The following ARHGEF28 variants were observed in gnomAD, a reference collection of about 807,000 sequenced individuals.
ARHGEF28 encodes Rho guanine nucleotide exchange factor 28.
Under a neutral mutation model 206.6 loss-of-function variants are expected in ARHGEF28, and 152 were observed. That is an observed-to-expected ratio of 0.74 (90% CI 0.64 to 0.84). The LOEUF is 0.84. Ranked by LOEUF, ARHGEF28 falls within the 40% of genes least tolerant of loss-of-function variation. The pLI is 0.00. For synonymous variants in ARHGEF28, 763 were observed against 776.4 expected, an observed-to-expected ratio of 0.98 and a Z score of 0.29; for missense variants, 2,028 against 2,073.2, an observed-to-expected ratio of 0.98 and a Z score of 0.42.
intron 1 of ARHGEF28, among the ~76,000 whole-genome samples, chr5:73,655,273 G>A (rs989842311): frequency 1.3e-5 from 2 of 152,176 alleles, no homozygotes; most frequent in African/African-American, 4.8e-5. Flanking sequence ...ATGGTTCACA[G>A]GTCAACATGT....
At position 73,897,966 on chromosome 5, in the gene ARHGEF28, G is replaced by A; in HGVS notation, c.3846G>A (p.Glu1282=). 6.3e-7 allele frequency: 1 copy of A among 1,575,112 alleles called. No homozygotes were observed. Among genetic ancestry groups the A allele is most frequent in the Non-Finnish European group, 8.6e-7 (1 of 1,159,278 alleles). The change falls in exon 30 of 36, where the codon GAG becomes GAA. Residue 1282 remains glutamate (E), a synonymous_variant. Transcript: ENST00000513042. ...TTTTGTTTTTCTCCATCTTAGCTGAGAGCCTACAAGTTGCAGTGAAGGCCT... is the reference window on the plus strand; with the variant it reads ...TTTTGTTTTTCTCCATCTTAGCTGAAAGCCTACAAGTTGCAGTGAAGGCCT... ...SLLAAALKEA[E]SLQVAVKASQ...
intron 12 of ARHGEF28, among the ~76,000 whole-genome samples, chr5:73,848,400 C>G (rs986948444): frequency 2.6e-5 from 4 of 152,086 alleles, no homozygotes; most frequent in Non-Finnish European, 5.9e-5. Flanking sequence ...CCAGAAAGTG[C>G]TAGATGGAAG....
rs540403549 is a variant in ARHGEF28 at position 73,880,680 on chromosome 5, C to T, written c.2815-1792C>T. Among the ~76,000 whole-genome samples, 4 of 152,308 alleles carry T rather than the reference C, an allele frequency of 2.6e-5. No individual in the cohort carries two copies. The South Asian group carries it at 6.2e-4, about 24-fold the overall frequency. Reference sequence around the variant, plus strand: ...GGGCATGGTGGCTCACGCCTGTAAGCCCAGCACTTTGGGAGGCCGAGGTGG... The same window carrying T: ...GGGCATGGTGGCTCACGCCTGTAAGTCCAGCACTTTGGGAGGCCGAGGTGG... On this transcript the variant is annotated intron_variant, in intron 22 of 35. Transcript: ENST00000513042.
At chr5:73,775,245 G>T (rs180831830) in intron 5 of ARHGEF28, among the ~76,000 whole-genome samples, 1 of 152,206 alleles carries the variant, frequency 6.6e-6, no homozygotes, top group African/African-American at 2.4e-5. Context: ...TGTCCAAGAC[G>T]AGAAGATACG....
chr5:73,890,913 A>G (rs1418629731), intron 26 of ARHGEF28, among the ~76,000 whole-genome samples: 3 of 152,228 alleles, frequency 2.0e-5, no homozygotes, highest in Non-Finnish European at 4.4e-5. Context: ...ACCAAGCATC[A>G]TCAGTGTGCT....
rs1580049714 is a variant in ARHGEF28 at position 73,885,743 on chromosome 5, A to G, written c.3056-107A>G. The G allele has an allele frequency of 2.5e-6, 3 of 1,183,188 alleles. No individual in the cohort carries two copies. The East Asian group carries it at 7.9e-5, about 31-fold the overall frequency. The allele number at this position is 1,183,188 out of a possible 1,614,324, so 73.3% of individuals were successfully genotyped here. ...TTTTCTTATGGGATTTTTATTGTTT[A>G]GATGATACATTTAACTATATTTTAA... On this transcript the variant is annotated intron_variant, in intron 24 of 35. Transcript: ENST00000513042.
At chr5:73,905,938 C>T (rs533685617) in intron 33 of ARHGEF28, among the ~76,000 whole-genome samples, 22 of 152,298 alleles carry the variant, frequency 1.4e-4, no homozygotes, top group African/African-American at 4.8e-4. Context: ...ACTACTGAGA[C>T]AAAACATTTT....
intron 35 of ARHGEF28, among the ~76,000 whole-genome samples, chr5:73,937,522 T>C (rs1169139026): frequency 6.6e-6 from 1 of 152,182 alleles, no homozygotes; most frequent in Non-Finnish European, 1.5e-5. Context: ...AGAGGCAAAA[T>C]TGTGTTGAGA....
At chr5:73,862,940 T>A (rs1759486152) in intron 16 of ARHGEF28, 2 of 151,688 alleles carry the variant, frequency 1.3e-5, no homozygotes, top group African/African-American at 2.4e-5. Flanking sequence ...ATAGGAGTGA[T>A]CTGTTGATCT....
Position 73,893,297 on chromosome 5 carries a change from C to T in ARHGEF28, c.3658+9C>T, listed in dbSNP as rs1192862939. 6.5e-7 allele frequency: 1 copy of T among 1,537,364 alleles called. No homozygotes were observed. The highest frequency in any genetic ancestry group is 2.5e-5 in the East Asian group (1 of 40,522). On this transcript the variant is annotated intron_variant, in intron 28 of 35. Coordinates refer to ENST00000513042, the MANE Select transcript of ARHGEF28 (RefSeq NM_001177693.2). ...AATTCAGCAATGTCAAGGTACAGTG[C>T]AGGCACTTCTGGCTCCCTGGTCGTG...
In ARHGEF28 at chr5:73,940,974, A is replaced by C. The variant is rs1742577445; in HGVS notation, c.5079A>C (p.Glu1693Asp). Reference sequence around the variant, plus strand: ...GGACAATGACCAGACAAGATGGGGAAACTGGAGATGGAGCCAAAGAAAATA... The same window carrying C: ...GGACAATGACCAGACAAGATGGGGACACTGGAGATGGAGCCAAAGAAAATA... ...PTRTMTRQDG[E>D]TGDGAKENIV... Residue 1693 changes from glutamate to aspartate, a missense_variant, in exon 36 of 36, where the codon GAA (glutamate) becomes GAC (aspartate). Physicochemically the swap from Glu to Asp is conservative, Grantham distance 45. Around this residue, in one of 3 missense-constraint regions of ARHGEF28, gnomAD observed 803 missense variants for 768.0 expected, o/e 1.05. Transcript: ENST00000513042. 2 of 1,528,426 alleles carry C rather than the reference A, an allele frequency of 1.3e-6. No homozygotes were observed. Among genetic ancestry groups the C allele is most frequent in the Non-Finnish European group, 1.7e-6 (2 of 1,145,070 alleles). The allele number at this position is 1,528,426 out of a possible 1,614,324, so 94.7% of individuals were successfully genotyped here. A position where few individuals can be genotyped will look rare whatever the true frequency, so the allele number is the denominator to read the frequency against.
intron 4 of ARHGEF28, among the ~76,000 whole-genome samples, chr5:73,766,182 A>G (rs1580588931): frequency 6.6e-6 from 1 of 152,008 alleles, no homozygotes; most frequent in African/African-American, 2.4e-5. Context: ...AACAAAAAAC[A>G]AAACAAAACA....
At chr5:73,630,128 A>AAT (rs1264062729) in intron 1 of ARHGEF28, among the ~76,000 whole-genome samples, 4 of 152,222 alleles carry the variant, frequency 2.6e-5, no homozygotes, top group Admixed American at 6.5e-5. Flanking sequence ...ATATGCTTCA[A>AAT]ATATATATAA....
chr5:73,654,281 C>T (rs1745030183), intron 1 of ARHGEF28, among the ~76,000 whole-genome samples: 1 of 152,190 alleles, frequency 6.6e-6, no homozygotes, highest in South Asian at 2.1e-4. Context: ...GGATGCCAGA[C>T]AACCAGAACC....
rs561505395 is a variant in ARHGEF28 at position 73,802,870 on chromosome 5, C to CTGTGTGTG, written c.1024+7523_1024+7530dup. Among the ~76,000 whole-genome samples, 946 of 122,104 alleles carry CTGTGTGTG rather than the reference C, an allele frequency of 7.7e-3. 17 individuals carry two copies. The highest frequency in any genetic ancestry group is 0.025 in the African/African-American group (773 of 31,406). 80.1% of individuals were successfully genotyped at this position (122,104 alleles called of 152,430 possible). A position where few individuals can be genotyped will look rare whatever the true frequency, so the allele number is the denominator to read the frequency against. Reference sequence around the variant, plus strand: ...GATAATTGGCCAGCAAGCTCGATTGCTGTGTGTGTGTGTGTGTGTGTGTGT... The same window carrying CTGTGTGTG: ...GATAATTGGCCAGCAAGCTCGATTGCTGTGTGTGTGTGTGTGTGTGTGTGTGTGTGTGT... On this transcript the variant is annotated intron_variant, in intron 9 of 35. Coordinates refer to ENST00000513042, the MANE Select transcript of ARHGEF28 (RefSeq NM_001177693.2).
At chr5:73,939,871 T>A (rs1427550972) in intron 35 of ARHGEF28, among the ~76,000 whole-genome samples, 3 of 152,204 alleles carry the variant, frequency 2.0e-5, no homozygotes, top group Non-Finnish European at 4.4e-5. Context: ...GGCCTCTTTT[T>A]TTTCTTTATG....
intron 23 of ARHGEF28, among the ~76,000 whole-genome samples, chr5:73,883,321 C>T (rs1353937560): frequency 1.3e-5 from 2 of 152,036 alleles, no homozygotes; most frequent in East Asian, 3.9e-4. Flanking sequence ...ATGAGGAATA[C>T]TTTGATATTT....
rs1491558353 is a variant in ARHGEF28 at position 73,730,533 on chromosome 5, GAT to G, written c.34-19303_34-19302del. Among the ~76,000 whole-genome samples, 466 of 139,628 alleles carry G rather than the reference GAT, an allele frequency of 3.3e-3. 1 individual carries two copies. The highest frequency in any genetic ancestry group is 0.012 in the African/African-American group (444 of 36,012). The allele number at this position is 139,628 out of a possible 152,430, so 91.6% of individuals were successfully genotyped here. A position where few individuals can be genotyped will look rare whatever the true frequency, so the allele number is the denominator to read the frequency against. ...GGTTCAAACTGTCCACCATAAGGAG[GAT>G]TTTTTTTTTTTTTTTTTTTGTCAGG... On this transcript the variant is annotated intron_variant, in intron 2 of 35. Coordinates refer to ENST00000513042, the MANE Select transcript of ARHGEF28 (RefSeq NM_001177693.2).
At chr5:73,722,175 G>A (rs759143463) in intron 2 of ARHGEF28, among the ~76,000 whole-genome samples, 10 of 152,002 alleles carry the variant, frequency 6.6e-5, no homozygotes, top group Non-Finnish European at 1.5e-4. Flanking sequence ...AAAAAGATTC[G>A]TCGTGAATAT....
Sources: allele counts gnomAD v4.1 joint callset (sites outside exome capture counted in the v4.1 genomes callset), GRCh38; gene constraint gnomAD v4.1.1; regional missense constraint gnomAD v4.1.1; transcripts MANE v1.5; gene names NCBI Gene and HGNC (gene_info 2026-07-23, HGNC 2026-07-21).